CDH18: variants seen among roughly 807,000 people sequenced by gnomAD.
CDH18 encodes cadherin 18.
CDH18 carries 31 observed loss-of-function variants against 67.9 expected under a neutral mutation model. The observed-to-expected ratio is 0.46, with a 90% CI of 0.34 to 0.62. CDH18 has a LOEUF of 0.62. Among genes scored for constraint, CDH18 ranks in the 20% least tolerant of loss-of-function variants. The pLI, the probability that CDH18 is intolerant of heterozygous loss-of-function variation, is 0.01. For missense variants in CDH18, 890 were observed against 975.5 expected, an observed-to-expected ratio of 0.91 and a Z score of 1.17; for synonymous variants, 362 against 347.2, an observed-to-expected ratio of 1.04 and a Z score of -0.48.
At chr5:20,460,283 T>C (rs1452653210) in intron 1 of CDH18, among the ~76,000 whole-genome samples, 3 of 151,842 alleles carry the variant, frequency 2.0e-5, no homozygotes, top group African/African-American at 7.3e-5. Context: ...TCCCAGCTAC[T>C]TGGGAGGCTG....
chr5:19,834,569 C>A (rs1010901733), intron 3 of CDH18, among the ~76,000 whole-genome samples: 34 of 151,764 alleles, frequency 2.2e-4, no homozygotes, highest in Non-Finnish European at 4.6e-4. Flanking sequence ...CTGCTAGCTT[C>A]TGGATTAGTT....
chr5:19,881,250 T>A (rs1787605995), intron 2 of CDH18, among the ~76,000 whole-genome samples: 1 of 152,184 alleles, frequency 6.6e-6, no homozygotes, highest in Non-Finnish European at 1.5e-5. Flanking sequence ...AAAACTTATG[T>A]AAATATCTAG....
intron 5 of CDH18, among the ~76,000 whole-genome samples, chr5:19,623,081 C>T (rs975015106): frequency 6.6e-6 from 1 of 152,216 alleles, no homozygotes; most frequent in African/African-American, 2.4e-5. Context: ...CTCTCACTGT[C>T]TCTCTCCAGA....
intron 2 of CDH18, among the ~76,000 whole-genome samples, chr5:20,058,907 G>A (rs944890468): frequency 7.2e-5 from 11 of 152,072 alleles, no homozygotes; most frequent in Non-Finnish European, 1.3e-4. Flanking sequence ...CAGGATTCTG[G>A]TAGAATTCGG....
intron 5 of CDH18, among the ~76,000 whole-genome samples, chr5:19,705,719 A>T (rs1479548755): frequency 6.6e-6 from 1 of 152,146 alleles, no homozygotes; most frequent in Non-Finnish European, 1.5e-5. Flanking sequence ...TGTGATAGGA[A>T]ATGGGAGAAC....
rs190556613 is a variant in CDH18 at position 19,720,249 on chromosome 5, T to G, written c.643+1098A>C. Among the ~76,000 whole-genome samples, 19 of 152,258 alleles carry G rather than the reference T, an allele frequency of 1.2e-4. No individual in the cohort carries two copies. In the East Asian group the frequency reaches 3.5e-3, roughly 28 times the overall value. On this transcript the variant is annotated intron_variant, in intron 5 of 12. Transcript: ENST00000382275. Reference sequence around the variant, plus strand: ...AAATGGGTTATATGCTATATAATTATAGAAGTATAAAGAGATATTTATGAT... The same window carrying G: ...AAATGGGTTATATGCTATATAATTAGAGAAGTATAAAGAGATATTTATGAT...
chr5:20,166,412 C>A (rs1736288184), intron 2 of CDH18, among the ~76,000 whole-genome samples: 1 of 129,706 alleles, frequency 7.7e-6, no homozygotes, highest in Non-Finnish European at 1.5e-5. Flanking sequence ...TGCACTCCAG[C>A]CTGGGCAACA....
intron 2 of CDH18, among the ~76,000 whole-genome samples, chr5:20,216,260 T>C (rs1580500350): frequency 6.6e-6 from 1 of 152,076 alleles, no homozygotes; most frequent in African/African-American, 2.4e-5. Flanking sequence ...TGTGAGCACA[T>C]GCTATTGGAA....
At chr5:19,912,512 T>G (rs1392231840) in intron 2 of CDH18, among the ~76,000 whole-genome samples, 1 of 152,192 alleles carries the variant, frequency 6.6e-6, no homozygotes, top group Non-Finnish European at 1.5e-5. Context: ...AAAACTTAGT[T>G]GAGTGATCAT....
intron 2 of CDH18, among the ~76,000 whole-genome samples, chr5:19,875,392 G>C (rs932139779): frequency 7.6e-6 from 1 of 132,136 alleles, no homozygotes; most frequent in Non-Finnish European, 1.6e-5. Flanking sequence ...TTTCTTCCAT[G>C]GGTATAGATA....
intron 2 of CDH18, among the ~76,000 whole-genome samples, chr5:20,141,617 T>C (rs961169535): frequency 3.9e-5 from 6 of 152,174 alleles, no homozygotes; most frequent in African/African-American, 1.2e-4. Flanking sequence ...GAGATCCAGC[T>C]AGCCTTTTGA....
intron 5 of CDH18, among the ~76,000 whole-genome samples, chr5:19,712,624 G>C (rs558622328): frequency 7.0e-6 from 1 of 142,760 alleles, no homozygotes; most frequent in Admixed American, 7.5e-5. Context: ...ATAGAAGTAA[G>C]TATGAGCTTA....
At chr5:19,887,082 T>C (rs1788289221) in intron 2 of CDH18, among the ~76,000 whole-genome samples, 1 of 152,074 alleles carries the variant, frequency 6.6e-6, no homozygotes. Context: ...GGTGCCCACA[T>C]GTATATGCAT....
At chr5:19,820,834 A>G (rs1779795586) in intron 3 of CDH18, among the ~76,000 whole-genome samples, 1 of 152,148 alleles carries the variant, frequency 6.6e-6, no homozygotes, top group Admixed American at 6.5e-5. Flanking sequence ...CAACTAAGGA[A>G]CCCATACAGA....
intron 10 of CDH18, among the ~76,000 whole-genome samples, chr5:19,504,229 T>C (rs12655709): frequency 0.3 from 45,041 of 151,732 alleles, 6,799 homozygotes; most frequent in South Asian, 0.4. Flanking sequence ...AAGAAAGTAC[T>C]TCAGGATACA....
chr5:19,938,144 T>C (rs2150222187), intron 2 of CDH18, among the ~76,000 whole-genome samples: 1 of 150,588 alleles, frequency 6.6e-6, no homozygotes, highest in East Asian at 2.0e-4. Context: ...GTGTATACTG[T>C]GAAGCAGTGG....
chr5:19,777,897 G>C (rs540728953), intron 3 of CDH18, among the ~76,000 whole-genome samples: 2 of 152,138 alleles, frequency 1.3e-5, no homozygotes, highest in African/African-American at 2.4e-5. Flanking sequence ...TTAGGAATGG[G>C]AGAGAAGAAA....
chr5:19,641,738 T>C lies in CDH18; in HGVS notation c.644-29137A>G, dbSNP rs114558459. Among the ~76,000 whole-genome samples, 860 of 152,018 alleles carry C rather than the reference T, an allele frequency of 5.7e-3. 9 individuals carry two copies. The highest frequency in any genetic ancestry group is 0.02 in the African/African-American group (829 of 41,526). On this transcript the variant is annotated intron_variant, in intron 5 of 12. Transcript: ENST00000382275. ...CTAAAATCATAATTTATGGAAAAAATTGAAATCTTTCTAAGATCCAGTATA... is the reference window on the plus strand; with the variant it reads ...CTAAAATCATAATTTATGGAAAAAACTGAAATCTTTCTAAGATCCAGTATA...
chr5:20,500,869 A>G (rs1384112984), intron 1 of CDH18, among the ~76,000 whole-genome samples: 1 of 152,230 alleles, frequency 6.6e-6, no homozygotes, highest in Non-Finnish European at 1.5e-5. Flanking sequence ...AACATTGAAC[A>G]TTAATGTTGA....
Sources: gnomAD v4.1 joint callset for allele counts (sites outside exome capture counted in the v4.1 genomes callset) on GRCh38, gnomAD v4.1.1 for gene constraint, MANE v1.5 for transcripts, NCBI Gene and HGNC (gene_info 2026-07-23, HGNC 2026-07-21) for gene names.